The following UBE2D2 variants were observed in gnomAD, a reference collection of about 807,000 sequenced individuals.
The protein encoded by UBE2D2 is ubiquitin conjugating enzyme E2 D2.
UBE2D2 carries 2 observed loss-of-function variants against 24.2 expected under a neutral mutation model. The observed-to-expected ratio is 0.08, with a 90% CI of 0.03 to 0.26. The LOEUF is 0.26. UBE2D2 is among the 10% of genes least tolerant of loss of function. UBE2D2 has a pLI of 1.00. For missense variants in UBE2D2, 44 were observed against 177.6 expected (o/e 0.25, Z 4.28); for synonymous variants, 58 against 56.5 (o/e 1.03, Z -0.12).
chr5:139,537,896 G>A lies in UBE2D2; in HGVS notation c.-64+11284G>A, dbSNP rs967814915. On this transcript the variant is annotated intron_variant, in intron 1 of 6. Coordinates refer to the UBE2D2 transcript ENST00000511725. The stretch of plus-strand genomic sequence containing the variant: ...GGAGAATGATGTGAACCCGGGAGGC[G>A]GAGCTTGCAGTGAGCTGAGATCGTG... Among the ~76,000 whole-genome samples the A allele has an allele frequency of 7.9e-5, 12 of 151,622 alleles. 1 individual carries two copies. The East Asian group carries it at 2.0e-3, about 25-fold the overall frequency.
rs1320808771 is a variant in UBE2D2, at chr5:139,561,346, C to CCCCGGCGGCGCAGCCCG, written c.-441_-425dup. The CCCCGGCGGCGCAGCCCG allele has an allele frequency of 6.3e-6, 1 of 158,248 alleles. No individual in the cohort carries two copies. The highest frequency in any genetic ancestry group is 1.4e-5 in the Non-Finnish European group (1 of 72,130). The allele number at this position is 158,248 out of a possible 1,614,324, so 9.8% of individuals were successfully genotyped here. On this transcript the variant is annotated 5_prime_UTR_variant, in exon 1 of 7. Coordinates refer to ENST00000398733, the MANE Select transcript of UBE2D2 (RefSeq NM_003339.3). ...CCCACCCCGTGCTCCGACGGCCCCA[C>CCCCGGCGGCGCAGCCCG]CCCGGCGGCGCAGCCCGCCCGCCCG...
chr5:139,551,395 C>T (rs1463234765), intron 1 of UBE2D2, among the ~76,000 whole-genome samples: 1 of 152,156 alleles, frequency 6.6e-6, no homozygotes, highest in Non-Finnish European at 1.5e-5. Context: ...CACACTTGCA[C>T]AATATCTTCT....
chr5:139,601,110 G>T (rs1029671026), intron 2 of UBE2D2, among the ~76,000 whole-genome samples: 1 of 152,090 alleles, frequency 6.6e-6, no homozygotes, highest in Non-Finnish European at 1.5e-5. Context: ...GCCAAAAGCA[G>T]GTCTTTATTT....
chr5:139,541,090 G>C (rs1288867578), intron 1 of UBE2D2, among the ~76,000 whole-genome samples: 1 of 152,102 alleles, frequency 6.6e-6, no homozygotes, highest in Non-Finnish European at 1.5e-5. Context: ...TTGAGGTCAT[G>C]AGTTCGAGAG....
intron 5 of UBE2D2, among the ~76,000 whole-genome samples, chr5:139,620,195 G>A (rs1754490852): frequency 6.6e-6 from 1 of 152,190 alleles, no homozygotes; most frequent in African/African-American, 2.4e-5. Context: ...TGAGATTTGT[G>A]TGGGGACACA....
chr5:139,585,001 A>G (rs906227582), intron 1 of UBE2D2, among the ~76,000 whole-genome samples: 6 of 151,318 alleles, frequency 4.0e-5, no homozygotes, highest in Admixed American at 6.6e-5. Context: ...CTTGGGTTCA[A>G]GTGATTATCT....
chr5:139,617,336 G>A (rs1754439755), intron 5 of UBE2D2, among the ~76,000 whole-genome samples: 1 of 149,116 alleles, frequency 6.7e-6, no homozygotes, highest in African/African-American at 2.5e-5. Flanking sequence ...AGCAATGTTA[G>A]TTTTGGTATT....
At chr5:139,611,281 G>A (rs1040326621) in intron 2 of UBE2D2, among the ~76,000 whole-genome samples, 3 of 139,336 alleles carry the variant, frequency 2.2e-5, no homozygotes, top group Non-Finnish European at 4.5e-5. Context: ...TCACCTCCGA[G>A]TTTCAAGTGA....
chr5:139,527,024 C>T (rs1752549093), intron 1 of UBE2D2, among the ~76,000 whole-genome samples: 1 of 151,860 alleles, frequency 6.6e-6, no homozygotes, highest in Non-Finnish European at 1.5e-5. Context: ...AAATATGGGT[C>T]AGGCGCAAAG....
At chr5:139,611,567 C>T (rs2126698591) in intron 2 of UBE2D2, among the ~76,000 whole-genome samples, 1 of 152,200 alleles carries the variant, frequency 6.6e-6, no homozygotes, top group Non-Finnish European at 1.5e-5. Context: ...ATGACATCAA[C>T]GTGAAGCTGC....
intron 2 of UBE2D2, among the ~76,000 whole-genome samples, chr5:139,607,346 T>A (rs1187405600): frequency 6.6e-6 from 1 of 152,242 alleles, no homozygotes; most frequent in Non-Finnish European, 1.5e-5. Flanking sequence ...GGTTTTAGTT[T>A]CTCTTTCTCT....
At chr5:139,588,658 G>A (rs1403654371) in intron 1 of UBE2D2, among the ~76,000 whole-genome samples, 1 of 152,112 alleles carries the variant, frequency 6.6e-6, no homozygotes, top group Non-Finnish European at 1.5e-5. Context: ...TTTTTACCTA[G>A]AGAAAATATT....
intron 1 of UBE2D2, among the ~76,000 whole-genome samples, chr5:139,591,447 T>G (rs1277810988): frequency 6.6e-6 from 1 of 152,148 alleles, no homozygotes; most frequent in Non-Finnish European, 1.5e-5. Flanking sequence ...ATACTTTTAG[T>G]TGCTTTGAAT....
intron 2 of UBE2D2, among the ~76,000 whole-genome samples, chr5:139,609,594 C>T (rs1754268344): frequency 6.6e-6 from 1 of 151,610 alleles, no homozygotes; most frequent in Admixed American, 6.6e-5. Flanking sequence ...TGGTCTTGAA[C>T]TCCCAACCTC....
At chr5:139,611,973 T>A (rs1347567799) in intron 2 of UBE2D2, 1 of 151,750 alleles carries the variant, frequency 6.6e-6, no homozygotes, top group Non-Finnish European at 1.5e-5. Flanking sequence ...TTTTTTTTTT[T>A]TTTTTTGAAC....
chr5:139,627,050 T>C lies in UBE2D2; in HGVS notation c.*249T>C. On this transcript the variant is annotated 3_prime_UTR_variant, in exon 7 of 7. Coordinates refer to ENST00000398733, the MANE Select transcript of UBE2D2 (RefSeq NM_003339.3). ...GTGTGACAAGCCAGTTCTACAGGCATTACCTAGGTGTGAGACTAAAAGCTT... is the reference window on the plus strand; with the variant it reads ...GTGTGACAAGCCAGTTCTACAGGCACTACCTAGGTGTGAGACTAAAAGCTT... The C allele has an allele frequency of 4.4e-6, 2 of 451,590 alleles. No homozygotes were observed. The highest frequency in any genetic ancestry group is 8.3e-5 in the East Asian group (2 of 23,998). 28.0% of individuals were successfully genotyped at this position (451,590 alleles called of 1,614,324 possible).
intron 1 of UBE2D2, chr5:139,562,129 C>A: frequency 8.6e-7 from 1 of 1,164,336 alleles, no homozygotes; most frequent in Non-Finnish European, 1.2e-6. Flanking sequence ...CATTGTCGGG[C>A]CAGGATGGCG....
At chr5:139,552,128 A>G (rs1256996178) in intron 1 of UBE2D2, among the ~76,000 whole-genome samples, 1 of 152,012 alleles carries the variant, frequency 6.6e-6, no homozygotes, top group African/African-American at 2.4e-5. Context: ...CCAAATAAAT[A>G]GATTAGCCTC....
At chr5:139,539,355 A>G (rs1284852891) in intron 1 of UBE2D2, among the ~76,000 whole-genome samples, 1 of 152,086 alleles carries the variant, frequency 6.6e-6, no homozygotes, top group Non-Finnish European at 1.5e-5. Context: ...CACATACTAT[A>G]TGATTCCATT....
Sources: allele counts gnomAD v4.1 joint callset (sites outside exome capture counted in the v4.1 genomes callset), GRCh38; gene constraint gnomAD v4.1.1; transcripts MANE v1.5; gene names NCBI Gene and HGNC (gene_info 2026-07-23, HGNC 2026-07-21).